Variants in ZNF257 observed in about 807,000 individuals in gnomAD.
ZNF257 encodes the protein bone marrow zinc finger 4.
Under a neutral mutation model 11.9 loss-of-function variants are expected in ZNF257, and 12 were observed. That is an observed-to-expected ratio of 1.01 (90% CI 0.65 to 1.63). The LOEUF is 1.63. Ranked by LOEUF, ZNF257 falls within the 40% of genes most tolerant of loss-of-function variation. The pLI is 0.00. For synonymous variants in ZNF257, 183 were observed against 222.7 expected, an observed-to-expected ratio of 0.82 and a Z score of 1.59; for missense variants, 580 against 665.5, an observed-to-expected ratio of 0.87 and a Z score of 1.41.
At position 22,088,768 on chromosome 19, in the gene ZNF257, G is replaced by A. The variant is rs2022547646; in HGVS notation, c.1018G>A (p.Gly340Arg). ...ALTRHKMIHT[G>R]EKPFQCEECG... ...TACTCGACATAAGATGATTCATACT[G>A]GAGAGAAACCCTTCCAATGTGAAGA... Residue 340 changes from glycine (G) to arginine (R), a missense_variant, in exon 4 of 4, where the codon GGA (glycine) becomes AGA (arginine). Transcript: ENST00000594947. 2 of 1,604,692 alleles carry A rather than the reference G, an allele frequency of 1.2e-6. No individual in the cohort carries two copies. The highest frequency in any genetic ancestry group is 1.7e-6 in the Non-Finnish European group (2 of 1,177,738).
intron 1 of ZNF257, among the ~76,000 whole-genome samples, chr19:22,069,380 C>T (rs1004520923): frequency 8.6e-5 from 13 of 151,760 alleles, no homozygotes; most frequent in East Asian, 1.9e-4. Flanking sequence ...TTTGGGAGGC[C>T]GAGGTGGGTG....
At chr19:22,068,978 G>A (rs62110983) in intron 1 of ZNF257, among the ~76,000 whole-genome samples, 19,603 of 152,124 alleles carry the variant, frequency 0.13, 1,458 homozygotes, top group Middle Eastern at 0.2. Flanking sequence ...AGGCTGACGA[G>A]TGGTTAACTC....
intron 3 of ZNF257, among the ~76,000 whole-genome samples, chr19:22,077,236 T>C (rs1380639906): frequency 6.6e-6 from 1 of 152,138 alleles, no homozygotes; most frequent in African/African-American, 2.4e-5. Context: ...GGAGGATTAC[T>C]TGAGCCTGGG....
intron 1 of ZNF257, among the ~76,000 whole-genome samples, chr19:22,065,422 A>G (rs10415597): frequency 0.046 from 7,042 of 152,006 alleles, 568 homozygotes; most frequent in African/African-American, 0.16. Context: ...CTGGTCTCGA[A>G]CTCCCGACCT....
At chr19:22,056,241 C>T (rs1211136327) in intron 1 of ZNF257, among the ~76,000 whole-genome samples, 1 of 152,040 alleles carries the variant, frequency 6.6e-6, no homozygotes, top group Non-Finnish European at 1.5e-5. Context: ...CACCTGAACT[C>T]AGGAGTTTGA....
chr19:22,069,476 G>A (rs554710791), intron 1 of ZNF257, among the ~76,000 whole-genome samples: 4 of 152,120 alleles, frequency 2.6e-5, no homozygotes, highest in Middle Eastern at 3.4e-3. Context: ...TTAGCTGGGC[G>A]TGGTGGTGGG....
intron 1 of ZNF257, among the ~76,000 whole-genome samples, chr19:22,069,441 C>T (rs979544693): frequency 6.6e-6 from 1 of 151,804 alleles, no homozygotes; most frequent in Non-Finnish European, 1.5e-5. Context: ...GGTGAAACCC[C>T]ATCTCTACTA....
At chr19:22,069,488 G>A (rs1401006667) in intron 1 of ZNF257, among the ~76,000 whole-genome samples, 8 of 151,990 alleles carry the variant, frequency 5.3e-5, no homozygotes, top group Non-Finnish European at 7.4e-5. Context: ...GGTGGTGGGC[G>A]CCTGTAATCC....
Position 22,089,454 on chromosome 19 carries a change from C to G in ZNF257, c.*12C>G, listed in dbSNP as rs1460881618. The G allele has an allele frequency of 6.9e-6, 11 of 1,598,248 alleles. No homozygotes were observed. The highest frequency in any genetic ancestry group is 8.5e-6 in the Non-Finnish European group (10 of 1,172,476). On this transcript the variant is annotated 3_prime_UTR_variant, in exon 4 of 4. Coordinates refer to ENST00000594947, the MANE Select transcript of ZNF257 (RefSeq NM_033468.4). The stretch of plus-strand genomic sequence containing the variant: ...AACATAATTCATAATGGAGAAAAAC[C>G]CTACAAATGTGAAGAATGTGTCAAA...
intron 1 of ZNF257, among the ~76,000 whole-genome samples, chr19:22,053,363 T>A (rs1390940842): frequency 1.8e-5 from 1 of 54,350 alleles, no homozygotes; most frequent in Non-Finnish European, 2.9e-5. Flanking sequence ...CGAGACTCCG[T>A]CTCAAAAAAA....
In ZNF257 at chr19:22,088,019, A is replaced by G. The variant is rs1243297036; in HGVS notation, c.269A>G (p.Asp90Gly). ...GCTGAAGACCTTTGCCCAGAGCGAG[A>G]CATAAAATATTTTTTCCAAAAAGTC... is the stretch of plus-strand genomic sequence containing the variant. ...HIAEDLCPER[D>G]IKYFFQKVIL... The change falls in exon 4 of 4, where the codon GAC becomes GGC. Residue 90 changes from aspartate to glycine, a missense_variant. Physicochemically the swap from Asp to Gly is moderately conservative, Grantham distance 94. Transcript: ENST00000594947. 5 of 1,558,344 alleles carry G rather than the reference A, an allele frequency of 3.2e-6. No individual in the cohort carries two copies. Among genetic ancestry groups the G allele is most frequent in the Non-Finnish European group, 4.3e-6 (5 of 1,150,710 alleles).
chr19:22,081,514 T>G (rs2022359741), intron 3 of ZNF257, among the ~76,000 whole-genome samples: 1 of 152,030 alleles, frequency 6.6e-6, no homozygotes, highest in Admixed American at 6.6e-5. Flanking sequence ...GCATTTAATT[T>G]TTTAAATATA....
At chr19:22,058,106 A>C (rs1185131683) in intron 1 of ZNF257, among the ~76,000 whole-genome samples, 1 of 145,420 alleles carries the variant, frequency 6.9e-6, no homozygotes, top group East Asian at 2.0e-4. Context: ...AAATGTGCAG[A>C]GTCTGTGTCT....
At chr19:22,072,716 C>T in intron 1 of ZNF257, 93 bp from the exon 2 acceptor site, 2 of 1,447,396 alleles carry the variant, frequency 1.4e-6, no homozygotes, top group Non-Finnish European at 1.9e-6. Flanking sequence ...AACCTGTTCT[C>T]TCTGCTCTTT....
chr19:22,088,257 A>G lies in ZNF257; in HGVS notation c.507A>G (p.Glu169=), dbSNP rs1357318269. Residue 169 remains glutamate (E), a synonymous_variant, in exon 4 of 4, where the codon GAA becomes GAG. Transcript: ENST00000594947. ...NSDRHKIRHT[E]KKTCKCKECG... is the part of the protein sequence containing the mutation. ...ATAGACATAAGATAAGACATACTGA[A>G]AAGAAAACTTGCAAATGTAAAGAAT... is the stretch of plus-strand genomic sequence containing the variant. 6.2e-7 allele frequency: 1 copy of G among 1,613,310 alleles called. No individual in the cohort carries two copies. The highest frequency in any genetic ancestry group is 1.3e-5 in the African/African-American group (1 of 74,970).
intron 1 of ZNF257, among the ~76,000 whole-genome samples, chr19:22,065,128 G>A (rs2021910103): frequency 6.6e-6 from 1 of 152,062 alleles, no homozygotes; most frequent in Non-Finnish European, 1.5e-5. Context: ...AATCAGATGG[G>A]CCTTTTAATA....
Position 22,088,326 on chromosome 19 carries a change from GA to G in ZNF257, c.577del (p.Arg193GlufsTer29), listed in dbSNP as rs766328516. 76 of 1,613,518 alleles carry G rather than the reference GA, an allele frequency of 4.7e-5. No homozygotes were observed. The highest frequency in any genetic ancestry group is 1.6e-4 in the Middle Eastern group (1 of 6,080). On this transcript the variant is annotated frameshift_variant, in exon 4 of 4. Coordinates refer to ENST00000594947, the MANE Select transcript of ZNF257 (RefSeq NM_033468.4). LOFTEE classifies it low-confidence loss of function (END_TRUNC). ...TGCTTTCACAACTAACTCGACATAA[GA>G]GAATTCATATTAGAGAGAATTCCCA... The part of the protein sequence containing the change: ...CMLSQLTRHK[R>X]IHIRENSHKC...
At chr19:22,087,446 A>G in intron 3 of ZNF257, 2 of 485,672 alleles carry the variant, frequency 4.1e-6, no homozygotes, top group Non-Finnish European at 6.5e-6. Context: ...TGTCTGTGGT[A>G]CTGCAGTCTG....
chr19:22,064,838 G>A (rs985498860), intron 1 of ZNF257, among the ~76,000 whole-genome samples: 1 of 152,094 alleles, frequency 6.6e-6, no homozygotes, highest in Non-Finnish European at 1.5e-5. Context: ...GGCAGATCAC[G>A]AGGTCAGGAG....
Sources: gnomAD v4.1 joint callset for allele counts (sites outside exome capture counted in the v4.1 genomes callset) on GRCh38, gnomAD v4.1.1 for gene constraint, MANE v1.5 for transcripts, NCBI Gene and HGNC (gene_info 2026-07-23, HGNC 2026-07-21) for gene names.